The following NIBAN1 variants were observed in gnomAD, a reference collection of about 807,000 sequenced individuals.
NIBAN1 encodes the protein niban apoptosis regulator 1, also known as protein Niban 1.
NIBAN1 carries 81 observed loss-of-function variants against 75.1 expected under a neutral mutation model. The observed-to-expected ratio is 1.08, with a 90% CI of 0.90 to 1.30. The LOEUF is 1.30. NIBAN1 is among the 50% of genes most tolerant of loss of function. NIBAN1 has a pLI of 0.00. For synonymous variants in NIBAN1, 436 were observed against 424.8 expected, an observed-to-expected ratio of 1.03 and a Z score of -0.32; for missense variants, 1,133 against 1,128.1, an observed-to-expected ratio of 1.00 and a Z score of -0.06.
In NIBAN1 at chr1:184,796,156, C is replaced by A; in HGVS notation, c.1667-59G>T. On this transcript the variant is annotated intron_variant, in intron 13 of 13. Coordinates refer to ENST00000367511, the MANE Select transcript of NIBAN1 (RefSeq NM_052966.4). ...TGATTTTATTGAGAAGCCAAAGTCCCCTTTCAGCCTCTCTGGCTATCCAAA... is the reference window on the plus strand; with the variant it reads ...TGATTTTATTGAGAAGCCAAAGTCCACTTTCAGCCTCTCTGGCTATCCAAA... 4 of 1,473,700 alleles carry A rather than the reference C, an allele frequency of 2.7e-6. No homozygotes were observed. The African/African-American group carries it at 5.7e-5, about 21-fold the overall frequency. The allele number at this position is 1,473,700 out of a possible 1,614,324, so 91.3% of individuals were successfully genotyped here. A position where few individuals can be genotyped will look rare whatever the true frequency, so the allele number is the denominator to read the frequency against.
intron 1 of NIBAN1, among the ~76,000 whole-genome samples, chr1:184,970,817 A>C (rs1383248374): frequency 6.6e-6 from 1 of 152,278 alleles, no homozygotes; most frequent in East Asian, 1.9e-4. Flanking sequence ...AGGACTTCTT[A>C]TGTGGGAGAT....
At chr1:184,843,874 A>G (rs377748370) in intron 5 of NIBAN1, among the ~76,000 whole-genome samples, 1 of 152,332 alleles carries the variant, frequency 6.6e-6, no homozygotes, top group African/African-American at 2.4e-5. Flanking sequence ...AGGTGTGGCC[A>G]TCACACACCC....
chr1:184,862,845 T>TA (rs1655851913), intron 5 of NIBAN1, among the ~76,000 whole-genome samples: 1 of 151,886 alleles, frequency 6.6e-6, no homozygotes, highest in Admixed American at 6.6e-5. Context: ...TTTTTTTTTT[T>TA]AATAACTTTT....
At position 184,795,105 on chromosome 1, in the gene NIBAN1, G is replaced by T; in HGVS notation, c.2659C>A (p.Arg887Ser). The change falls in exon 14 of 14, where the codon CGT becomes AGT. Residue 887 changes from arginine to serine, a missense_variant. Arg to Ser is a moderately radical substitution (Grantham distance 110). Transcript: ENST00000367511. ...ACCACCCACTGACACTCATGAATACGGGCTACCTTGATCTCCTCTGCATTC... is the reference window on the plus strand; with the variant it reads ...ACCACCCACTGACACTCATGAATACTGGCTACCTTGATCTCCTCTGCATTC... ...SVNAEEIKVA[R>S]IHECQWVVED... The T allele has an allele frequency of 6.2e-7, 1 of 1,614,026 alleles. No individual in the cohort carries two copies. The highest frequency in any genetic ancestry group is 8.5e-7 in the Non-Finnish European group (1 of 1,180,046).
chr1:184,919,402 A>C (rs1039645514), intron 1 of NIBAN1, among the ~76,000 whole-genome samples: 1 of 152,196 alleles, frequency 6.6e-6, no homozygotes, highest in African/African-American at 2.4e-5. Context: ...TCAAAACTAC[A>C]TGTTTACAAA....
chr1:184,860,258 T>C (rs111235630), intron 5 of NIBAN1, among the ~76,000 whole-genome samples: 16 of 134,002 alleles, frequency 1.2e-4, no homozygotes, highest in African/African-American at 4.7e-4. Context: ...GCATGCTAAA[T>C]ATAGCACTGC....
chr1:184,867,264 T>C (rs953107852), intron 5 of NIBAN1, among the ~76,000 whole-genome samples: 2 of 152,126 alleles, frequency 1.3e-5, no homozygotes, highest in African/African-American at 2.4e-5. Flanking sequence ...AATAGCCTTA[T>C]TGCAAAACTT....
At chr1:184,884,926 C>T in intron 4 of NIBAN1, 126 bp from the exon 5 acceptor site, 1 of 1,204,328 alleles carries the variant, frequency 8.3e-7, no homozygotes, top group African/African-American at 1.5e-5. Context: ...GAGATATTTT[C>T]ACAGGATAGG....
chr1:184,962,450 T>C (rs77643949), intron 1 of NIBAN1, among the ~76,000 whole-genome samples: 4,498 of 152,204 alleles, frequency 0.03, 197 homozygotes, highest in African/African-American at 0.1. Flanking sequence ...AAAAGATATA[T>C]TTTCCCTAGT....
intron 6 of NIBAN1, among the ~76,000 whole-genome samples, chr1:184,824,989 T>C (rs1320352084): frequency 1.3e-5 from 2 of 152,220 alleles, no homozygotes; most frequent in African/African-American, 4.8e-5. Flanking sequence ...TCTCTGCCTT[T>C]AGTATGGTCT....
intron 2 of NIBAN1, among the ~76,000 whole-genome samples, chr1:184,898,263 C>T (rs1656856834): frequency 6.6e-6 from 1 of 152,124 alleles, no homozygotes; most frequent in African/African-American, 2.4e-5. Context: ...TCTCATTGCA[C>T]TCCAGTTTCT....
At chr1:184,956,853 C>A (rs1658504079) in intron 1 of NIBAN1, among the ~76,000 whole-genome samples, 1 of 152,198 alleles carries the variant, frequency 6.6e-6, no homozygotes, top group Admixed American at 6.5e-5. Context: ...ATTAGCCCCC[C>A]ACCAAATCAC....
intron 2 of NIBAN1, among the ~76,000 whole-genome samples, chr1:184,894,799 C>T (rs192811093): frequency 2.0e-5 from 3 of 152,266 alleles, no homozygotes; most frequent in African/African-American, 4.8e-5. Flanking sequence ...TGAGTTCCAC[C>T]GCTTCTACTG....
At chr1:184,911,786 T>G (rs1190667163) in intron 1 of NIBAN1, among the ~76,000 whole-genome samples, 1 of 152,218 alleles carries the variant, frequency 6.6e-6, no homozygotes, top group African/African-American at 2.4e-5. Flanking sequence ...TATAGACTAC[T>G]ATAACAACAG....
At chr1:184,825,302 T>C (rs1409537832) in intron 6 of NIBAN1, among the ~76,000 whole-genome samples, 1 of 152,242 alleles carries the variant, frequency 6.6e-6, no homozygotes, top group Non-Finnish European at 1.5e-5. Flanking sequence ...AGCTGTCTGA[T>C]TTTGGTTCAT....
At chr1:184,969,299 T>G (rs1167504024) in intron 1 of NIBAN1, among the ~76,000 whole-genome samples, 2 of 152,154 alleles carry the variant, frequency 1.3e-5, no homozygotes, top group African/African-American at 4.8e-5. Context: ...TCAGCAAAGT[T>G]TGTCAGGGCT....
intron 5 of NIBAN1, among the ~76,000 whole-genome samples, chr1:184,860,974 T>C (rs1365060445): frequency 1.3e-5 from 2 of 152,224 alleles, no homozygotes; most frequent in Non-Finnish European, 2.9e-5. Context: ...CCACCCTACC[T>C]GAAAAGGCAT....
chr1:184,898,432 T>C (rs1656861200), intron 2 of NIBAN1, among the ~76,000 whole-genome samples: 1 of 152,014 alleles, frequency 6.6e-6, no homozygotes, highest in African/African-American at 2.4e-5. Context: ...CTGGCCAACA[T>C]GGTGAATATC....
intron 6 of NIBAN1, among the ~76,000 whole-genome samples, chr1:184,824,260 T>C (rs1272240023): frequency 6.6e-6 from 1 of 152,134 alleles, no homozygotes; most frequent in East Asian, 1.9e-4. Context: ...TCCTCTTTAA[T>C]GTTTAGTAAA....
Sources: allele counts gnomAD v4.1 joint callset (sites outside exome capture counted in the v4.1 genomes callset), GRCh38; gene constraint gnomAD v4.1.1; transcripts MANE v1.5; gene names NCBI Gene and HGNC (gene_info 2026-07-23, HGNC 2026-07-21).